The following NKAIN2 variants were observed in gnomAD, a reference collection of about 807,000 sequenced individuals.
NKAIN2 encodes sodium/potassium-transporting ATPase subunit beta-1-interacting protein 2.
In NKAIN2, 14 loss-of-function variants were observed where a neutral mutation model predicts 32.6. That is an observed-to-expected ratio of 0.43 (90% CI 0.28 to 0.67). The LOEUF is 0.67. Among genes scored for constraint, NKAIN2 ranks in the 30% least tolerant of loss-of-function variants. NKAIN2 has a pLI of 0.17. For missense variants in NKAIN2, 198 were observed against 258.3 expected, an observed-to-expected ratio of 0.77 and a Z score of 1.60; for synonymous variants, 80 against 87.2, an observed-to-expected ratio of 0.92 and a Z score of 0.46.
At chr6:123,829,811 C>T (rs1169205605) in intron 1 of NKAIN2, among the ~76,000 whole-genome samples, 1 of 152,148 alleles carries the variant, frequency 6.6e-6, no homozygotes, top group Non-Finnish European at 1.5e-5. Context: ...AGCCAGTTTC[C>T]CAAAATAAGC....
intron 1 of NKAIN2, among the ~76,000 whole-genome samples, chr6:123,909,085 T>C (rs1387098891): frequency 1.3e-5 from 2 of 152,150 alleles, no homozygotes; most frequent in Non-Finnish European, 2.9e-5. Flanking sequence ...TCCAGTCATT[T>C]TTTTTCTTTT....
intron 3 of NKAIN2, among the ~76,000 whole-genome samples, chr6:124,409,931 T>C (rs1299888613): frequency 2.0e-5 from 3 of 152,208 alleles, no homozygotes; most frequent in East Asian, 1.9e-4. Flanking sequence ...GGAGGGTGTA[T>C]GTGTCGAGGA....
intron 5 of NKAIN2, among the ~76,000 whole-genome samples, chr6:124,805,370 C>A (rs1438261172): frequency 6.6e-6 from 1 of 152,160 alleles, no homozygotes; most frequent in African/African-American, 2.4e-5. Flanking sequence ...CTGCTGACAC[C>A]CAGGCAAACA....
chr6:124,242,213 C>G (rs1793142104), intron 1 of NKAIN2, among the ~76,000 whole-genome samples: 1 of 151,930 alleles, frequency 6.6e-6, no homozygotes, highest in Non-Finnish European at 1.5e-5. Context: ...AAAAAACAGC[C>G]CCATCAAAAA....
At chr6:124,369,880 A>ATT (rs61588781) in intron 3 of NKAIN2, among the ~76,000 whole-genome samples, 12 of 82,382 alleles carry the variant, frequency 1.5e-4, no homozygotes, top group Middle Eastern at 8.9e-3. Flanking sequence ...CAGAATGTCA[A>ATT]TTTTTTTTTT....
intron 1 of NKAIN2, among the ~76,000 whole-genome samples, chr6:124,043,999 AC>A (rs1415252541): frequency 2.0e-5 from 3 of 152,046 alleles, no homozygotes; most frequent in Non-Finnish European, 4.4e-5. Flanking sequence ...AGTATTCCAG[AC>A]CTAAAACATT....
At chr6:123,929,944 A>G (rs1325755031) in intron 1 of NKAIN2, among the ~76,000 whole-genome samples, 2 of 152,104 alleles carry the variant, frequency 1.3e-5, no homozygotes. Context: ...AAATTTTCAG[A>G]GAATGGATAC....
intron 1 of NKAIN2, among the ~76,000 whole-genome samples, chr6:123,976,812 A>G (rs1166045527): frequency 2.0e-5 from 3 of 152,220 alleles, no homozygotes; most frequent in Non-Finnish European, 4.4e-5. Flanking sequence ...AAGTGTATAC[A>G]GTGTACAAAA....
At chr6:124,363,413 G>A (rs985181689) in intron 3 of NKAIN2, among the ~76,000 whole-genome samples, 1 of 152,140 alleles carries the variant, frequency 6.6e-6, no homozygotes, top group African/African-American at 2.4e-5. Flanking sequence ...TTTACACCCT[G>A]TTGAATGCTA....
chr6:123,850,371 TACAC>T (rs35458452), intron 1 of NKAIN2, among the ~76,000 whole-genome samples: 5,401 of 140,096 alleles, frequency 0.039, 150 homozygotes, highest in Middle Eastern at 0.072. Context: ...TATATATATA[TACAC>T]ACACACACAC....
intron 3 of NKAIN2, among the ~76,000 whole-genome samples, chr6:124,622,707 G>T (rs1188876291): frequency 6.6e-6 from 1 of 152,136 alleles, no homozygotes; most frequent in Non-Finnish European, 1.5e-5. Flanking sequence ...AGGGGAGATG[G>T]AGTGGGAAGG....
At chr6:124,557,581 G>T (rs972743432) in intron 3 of NKAIN2, among the ~76,000 whole-genome samples, 1 of 152,082 alleles carries the variant, frequency 6.6e-6, no homozygotes, top group African/African-American at 2.4e-5. Context: ...AACCTGAAAG[G>T]AAAAGAAAGA....
chr6:124,696,768 A>ATTTT (rs140409570), intron 4 of NKAIN2, among the ~76,000 whole-genome samples: 1 of 138,934 alleles, frequency 7.2e-6, no homozygotes. Flanking sequence ...AAAAGGATCT[A>ATTTT]TTTTTTTTTT....
chr6:124,375,043 AT>A (rs1799924700), intron 3 of NKAIN2, among the ~76,000 whole-genome samples: 1 of 151,656 alleles, frequency 6.6e-6, no homozygotes, highest in South Asian at 2.1e-4. Context: ...CTCTCACTTC[AT>A]TTTTTGGTGT....
intron 1 of NKAIN2, among the ~76,000 whole-genome samples, chr6:123,860,148 A>C (rs1013503430): frequency 2.6e-5 from 4 of 152,166 alleles, no homozygotes; most frequent in African/African-American, 9.7e-5. Context: ...AAAGTACAAG[A>C]TGTTGAGGAG....
intron 1 of NKAIN2, among the ~76,000 whole-genome samples, chr6:124,138,072 A>G (rs1474029883): frequency 6.6e-6 from 1 of 152,234 alleles, no homozygotes; most frequent in Admixed American, 6.5e-5. Context: ...GACAACCCAC[A>G]GAGTAGGAGA....
At chr6:123,855,173 G>A (rs1275456950) in intron 1 of NKAIN2, among the ~76,000 whole-genome samples, 1 of 152,084 alleles carries the variant, frequency 6.6e-6, no homozygotes, top group Non-Finnish European at 1.5e-5. Context: ...TTTGCCATGG[G>A]TTTTAAATTT....
At chr6:124,150,043 C>T (rs980571855) in intron 1 of NKAIN2, among the ~76,000 whole-genome samples, 1 of 152,016 alleles carries the variant, frequency 6.6e-6, no homozygotes, top group African/African-American at 2.4e-5. Flanking sequence ...AATAAATTCC[C>T]CCACCCTCCC....
At chr6:124,706,371 G>A (rs1259967095) in intron 4 of NKAIN2, among the ~76,000 whole-genome samples, 1 of 151,960 alleles carries the variant, frequency 6.6e-6, no homozygotes, top group East Asian at 1.9e-4. Context: ...TCAAATCCAA[G>A]CCTATCTGAT....
Sources: gnomAD v4.1 joint callset for allele counts (sites outside exome capture counted in the v4.1 genomes callset) on GRCh38, gnomAD v4.1.1 for gene constraint, MANE v1.5 for transcripts, NCBI Gene and HGNC (gene_info 2026-07-23, HGNC 2026-07-21) for gene names.